ANK2: variants seen among roughly 807,000 people sequenced by gnomAD.
The protein encoded by ANK2 is ankyrin-2.
A neutral mutation model predicts 360.5 loss-of-function variants in ANK2; 83 were observed. That is an observed-to-expected ratio of 0.23 (90% confidence interval 0.19 to 0.28). The LOEUF (loss-of-function observed/expected upper bound fraction) is 0.28, where lower values mean the gene tolerates loss of function less well. Among genes scored for constraint, ANK2 ranks in the 10% least tolerant of loss-of-function variants. The probability of loss-of-function intolerance (pLI) is 1.00; values close to 1 mark genes in which losing one functional copy is unlikely to be tolerated. For synonymous variants in ANK2, 1,740 were observed against 1,759.5 expected (o/e 0.99, Z 0.28); for missense variants, 4,201 against 4,795.7 (o/e 0.88, Z 3.66).
the ANK2 span, among the ~76,000 whole-genome samples, chr4:112,812,508 G>T: frequency 6.6e-6 from 1 of 152,150 alleles, no homozygotes; most frequent in Non-Finnish European, 1.5e-5. Context: ...TGATTAAGGA[G>T]ACCTAATTAT....
At chr4:113,263,188 A>G (rs995319626) in intron 13 of ANK2, among the ~76,000 whole-genome samples, 17 of 115,598 alleles carry the variant, frequency 1.5e-4, no homozygotes, top group Non-Finnish European at 2.6e-4. Flanking sequence ...ACTCTGTCTG[A>G]AAAAAAAAAA....
the ANK2 span, among the ~76,000 whole-genome samples, chr4:112,765,208 T>C: frequency 1.3e-5 from 2 of 152,228 alleles, no homozygotes; most frequent in Admixed American, 1.3e-4. Context: ...AATTTCTTAA[T>C]ATCATCTAAG....
chr4:113,262,367 C>T lies in ANK2; in HGVS notation c.1387-2530C>T, dbSNP rs1022331692. Among the ~76,000 whole-genome samples, 8 of 152,134 alleles carry T rather than the reference C, an allele frequency of 5.3e-5. No homozygotes were observed. In the East Asian group the frequency reaches 1.5e-3, roughly 29 times the overall value. ...TCAGCCTCCCAAGTAGCTGGAACTA[C>T]AGGCATGCACCACTATGCCTGGCTA... On this transcript the variant is annotated intron_variant, in intron 13 of 45. Coordinates refer to ENST00000357077, the MANE Select transcript of ANK2 (RefSeq NM_001148.6).
chr4:113,258,895 T>C (rs1261112468), intron 13 of ANK2, among the ~76,000 whole-genome samples: 1 of 152,208 alleles, frequency 6.6e-6, no homozygotes, highest in Non-Finnish European at 1.5e-5. Context: ...CGTGTCAAAC[T>C]CTTCCTTCTT....
chr4:113,333,413 T>C lies in ANK2; in HGVS notation c.3379+205T>C, dbSNP rs17045935. ...GGAATGCACAATACTTTTGCTTAATTTTACTCCTGTTACATTCAGGAAAAT... is the reference window on the plus strand; with the variant it reads ...GGAATGCACAATACTTTTGCTTAATCTTACTCCTGTTACATTCAGGAAAAT... On this transcript the variant is annotated intron_variant, in intron 29 of 45. Coordinates refer to ENST00000357077, the MANE Select transcript of ANK2 (RefSeq NM_001148.6). 0.24 allele frequency among the ~76,000 whole-genome samples: 36,694 copies of C among 151,898 alleles called. 8,106 individuals carry two copies. Among genetic ancestry groups the C allele is most frequent in the African/African-American group, 0.59 (24,543 of 41,318 alleles).
upstream of ANK2, among the ~76,000 whole-genome samples, chr4:113,049,385 A>T (rs1238011011): frequency 6.6e-6 from 1 of 152,156 alleles, no homozygotes; most frequent in African/African-American, 2.4e-5. Flanking sequence ...AATTAAGTAC[A>T]GGTTTTGTGT....
chr4:113,064,789 A>AGAGTT (rs1409705899), intron 1 of ANK2, among the ~76,000 whole-genome samples: 40 of 118,824 alleles, frequency 3.4e-4, no homozygotes, highest in Middle Eastern at 4.7e-3. Flanking sequence ...CAAAAATGTT[A>AGAGTT]GAAAGTTCTG....
intron 1 of ANK2, chr4:112,881,976 C>A (rs1197100754): frequency 3.3e-6 from 2 of 598,814 alleles, no homozygotes; most frequent in East Asian, 5.9e-5. Context: ...ACGTGACAAA[C>A]CCAGAGCCCC....
In ANK2 at chr4:112,887,385, G is replaced by C. The variant is rs140962780; in HGVS notation, c.-39-17070G>C. Among the ~76,000 whole-genome samples, 321 of 152,318 alleles carry C rather than the reference G, an allele frequency of 2.1e-3. 4 individuals carry two copies. Among genetic ancestry groups the C allele is most frequent in the Admixed American group, 0.02 (303 of 15,292 alleles). On this transcript the variant is annotated intron_variant, in intron 1 of 30. Coordinates refer to the ANK2 transcript ENST00000503271. Reference sequence around the variant, plus strand: ...TGTTCTGAGTTCTGAGCACGTTTGAGATTGGCAAGGCTAAGCTACGCTGTT... The same window carrying C: ...TGTTCTGAGTTCTGAGCACGTTTGACATTGGCAAGGCTAAGCTACGCTGTT...
the ANK2 span, among the ~76,000 whole-genome samples, chr4:112,808,177 G>C: frequency 1.3e-5 from 2 of 152,196 alleles, no homozygotes; most frequent in African/African-American, 2.4e-5. Flanking sequence ...CAGAGTAAGG[G>C]AAATAGTCAT....
rs1588561088 is a variant in ANK2 at position 113,339,094 on chromosome 4, A to T, written c.3797-132A>T. The T allele has an allele frequency of 1.1e-5, 8 of 730,104 alleles. No individual in the cohort carries two copies. In the East Asian group the frequency reaches 2.1e-4, roughly 20 times the overall value. 45.2% of individuals were successfully genotyped at this position (730,104 alleles called of 1,614,324 possible). ...TGTCATTTTTTAGCATGTAGATTTT[A>T]GTCATTTTGTTTTCAATGTGCCATT... On this transcript the variant is annotated intron_variant, in intron 31 of 45. Transcript: ENST00000357077.
chr4:112,810,243 C>CT, the ANK2 span, among the ~76,000 whole-genome samples: 1 of 146,292 alleles, frequency 6.8e-6, no homozygotes, highest in Non-Finnish European at 1.5e-5. Flanking sequence ...CTCAGGTGAT[C>CT]CACCTGCCTT....
intron 2 of ANK2, among the ~76,000 whole-genome samples, chr4:112,940,540 A>G (rs1204845468): frequency 1.3e-5 from 2 of 152,150 alleles, no homozygotes; most frequent in East Asian, 1.9e-4. Flanking sequence ...GGTTATAATG[A>G]GAAGTGATGT....
chr4:113,111,329 C>T (rs1240668928), intron 1 of ANK2, among the ~76,000 whole-genome samples: 1 of 151,968 alleles, frequency 6.6e-6, no homozygotes, highest in African/African-American at 2.4e-5. Context: ...AAATTGTTTC[C>T]CTTGAGATGC....
chr4:113,314,805 G>A (rs912037782), intron 24 of ANK2, among the ~76,000 whole-genome samples: 1 of 151,996 alleles, frequency 6.6e-6, no homozygotes. Context: ...TAGATTATAC[G>A]ACATCATTTT....
chr4:113,048,335 A>C, upstream of ANK2, among the ~76,000 whole-genome samples: 1 of 110,922 alleles, frequency 9.0e-6, no homozygotes, highest in East Asian at 3.0e-4. Context: ...TCTGTCACCG[A>C]GGCTGGAGTG....
chr4:113,008,856 C>T (rs1001294098), intron 2 of ANK2, among the ~76,000 whole-genome samples: 6 of 152,080 alleles, frequency 3.9e-5, no homozygotes, highest in Non-Finnish European at 7.3e-5. Context: ...CCAGCTGTCC[C>T]ACAGACTCAG....
intron 40 of ANK2, among the ~76,000 whole-genome samples, chr4:113,363,752 A>T (rs552322808): frequency 6.6e-6 from 1 of 152,200 alleles, no homozygotes; most frequent in African/African-American, 2.4e-5. Flanking sequence ...CATCCCAAAG[A>T]TGTGCACATC....
chr4:112,769,328 A>T, the ANK2 span, among the ~76,000 whole-genome samples: 1 of 152,226 alleles, frequency 6.6e-6, no homozygotes, highest in Non-Finnish European at 1.5e-5. Flanking sequence ...TGGCCAAAAC[A>T]TACCACATTG....
Sources: gnomAD v4.1 joint callset for allele counts (sites outside exome capture counted in the v4.1 genomes callset) on GRCh38, gnomAD v4.1.1 for gene constraint, MANE v1.5 for transcripts, NCBI Gene and HGNC (gene_info 2026-07-23, HGNC 2026-07-21) for gene names.